The following FBXL19 variants were observed in gnomAD, a reference collection of about 807,000 sequenced individuals.
FBXL19 encodes F-box and leucine rich repeat protein 19.
FBXL19 carries 16 observed loss-of-function variants against 71.2 expected under a neutral mutation model. That is an observed-to-expected ratio of 0.22 (90% CI 0.15 to 0.34). FBXL19 has a LOEUF of 0.34. Ranked by LOEUF, FBXL19 falls within the 10% of genes least tolerant of loss-of-function variation. The pLI, the probability that FBXL19 is intolerant of heterozygous loss-of-function variation, is 1.00. For missense variants in FBXL19, 658 were observed against 968.2 expected, an observed-to-expected ratio of 0.68 and a Z score of 4.25; for synonymous variants, 447 against 409.4, an observed-to-expected ratio of 1.09 and a Z score of -1.11.
intron 7 of FBXL19, among the ~76,000 whole-genome samples, chr16:30,935,696 G>C (rs2055724507): frequency 6.6e-6 from 1 of 152,162 alleles, no homozygotes; most frequent in Non-Finnish European, 1.5e-5. Context: ...TGAGCCTTCA[G>C]AGGGCAGTAA....
rs1269414044 is a variant in FBXL19, at chr16:30,925,633, G to A, written c.-24-98G>A. 2.0e-5 allele frequency: 26 copies of A among 1,289,142 alleles called. No individual in the cohort carries two copies. Among genetic ancestry groups the A allele is most frequent in the East Asian group, 9.6e-5 (3 of 31,246 alleles). The allele number at this position is 1,289,142 out of a possible 1,614,324, so 79.9% of individuals were successfully genotyped here. A position where few individuals can be genotyped will look rare whatever the true frequency, so the allele number is the denominator to read the frequency against. ...ACCTCCTTGTCCCCCTGAGGAAGAG[G>A]GCAGGCTCTAGCTGCCTGTAGGTGG... is the stretch of plus-strand genomic sequence containing the variant. On this transcript the variant is annotated intron_variant, in intron 1 of 10. Coordinates refer to ENST00000338343, the MANE Select transcript of FBXL19 (RefSeq NM_001382779.1). This position sits in a 1 kb window ranked among gnomAD's most constrained non-coding sequence, Gnocchi z 5.0.
Position 30,942,144 on chromosome 16 carries a change from A to G in FBXL19, c.1330A>G (p.Met444Val). ...WCYDKRLWPR[M>V]DLSRRKSLTP... is the part of the protein sequence containing the mutation. ...CTATGACAAGCGTCTGTGGCCTCGA[A>G]TGGACCTGAGCCGGCGGAAGTCACT... The change falls in exon 8 of 11, where the codon ATG becomes GTG. Residue 444 changes from methionine (M) to valine (V), a missense_variant. Physicochemically the swap from Met to Val is conservative, Grantham distance 21. Around this residue, in one of 8 missense-constraint regions of FBXL19, gnomAD observed 38 missense variants for 92.3 expected, o/e 0.41. Transcript: ENST00000338343. The surrounding 1 kb of genome is among the most constrained non-coding windows in gnomAD (Gnocchi z 5.7). The G allele has an allele frequency of 6.3e-7, 1 of 1,597,160 alleles. No homozygotes were observed. Among genetic ancestry groups the G allele is most frequent in the Non-Finnish European group, 8.5e-7 (1 of 1,170,192 alleles).
chr16:30,947,547 G>C lies in FBXL19; in HGVS notation c.*317G>C, dbSNP rs573452974. 16 of 368,838 alleles carry C rather than the reference G, an allele frequency of 4.3e-5. No homozygotes were observed. The highest frequency in any genetic ancestry group is 1.7e-4 in the African/African-American group (8 of 47,072). 22.8% of individuals were successfully genotyped at this position (368,838 alleles called of 1,614,324 possible). A position where few individuals can be genotyped will look rare whatever the true frequency, so the allele number is the denominator to read the frequency against. ...AGGGGGGTTATGGTGCAAGTGTTGG[G>C]GGGGAGAATGGGGAAAGGACACACA... On this transcript the variant is annotated 3_prime_UTR_variant, in exon 11 of 11. Coordinates refer to ENST00000338343, the MANE Select transcript of FBXL19 (RefSeq NM_001382779.1).
At chr16:30,938,794 G>A (rs1052359737) in intron 7 of FBXL19, among the ~76,000 whole-genome samples, 26 of 151,688 alleles carry the variant, frequency 1.7e-4, no homozygotes, top group African/African-American at 4.1e-4. Context: ...CTGCCACCAC[G>A]CCCGGCTAAT....
chr16:30,933,004 C>G (rs1357074831), intron 7 of FBXL19, among the ~76,000 whole-genome samples: 9 of 150,966 alleles, frequency 6.0e-5, no homozygotes. Flanking sequence ...CCATGCCTGG[C>G]TAATTTTTTT....
chr16:30,934,904 G>A (rs570219781), intron 7 of FBXL19, among the ~76,000 whole-genome samples: 1 of 152,350 alleles, frequency 6.6e-6, no homozygotes, highest in Admixed American at 6.5e-5. Flanking sequence ...TAGGTAGCAA[G>A]CCAAGCAGCT....
At chr16:30,923,061 C>G (rs777106439), upstream of FBXL19, 1 of 456,846 alleles carries the variant, frequency 2.2e-6, no homozygotes, top group South Asian at 1.5e-5. Context: ...CGCCATCTTG[C>G]TTGTAGTCCT....
Position 30,946,661 on chromosome 16 carries a change from G to T in FBXL19, c.1628-69G>T, listed in dbSNP as rs2055861893. 6.9e-7 allele frequency: 1 copy of T among 1,452,024 alleles called. No homozygotes were observed. 89.9% of individuals were successfully genotyped at this position (1,452,024 alleles called of 1,614,324 possible). On this transcript the variant is annotated intron_variant, in intron 9 of 10. Transcript: ENST00000338343. The surrounding 1 kb of genome is among the most constrained non-coding windows in gnomAD (Gnocchi z 6.7). ...TTATGTGGGAAGCAGGTGGAGGGCAGATGGTCTGGATACCTGGGCGCAGGG... is the reference window on the plus strand; with the variant it reads ...TTATGTGGGAAGCAGGTGGAGGGCATATGGTCTGGATACCTGGGCGCAGGG...
Position 30,925,637 on chromosome 16 carries a change from G to A in FBXL19, c.-24-94G>A. ...CCTTGTCCCCCTGAGGAAGAGGGCA[G>A]GCTCTAGCTGCCTGTAGGTGGAGGG... On this transcript the variant is annotated intron_variant, in intron 1 of 10. Coordinates refer to ENST00000338343, the MANE Select transcript of FBXL19 (RefSeq NM_001382779.1). This position sits in a 1 kb window ranked among gnomAD's most constrained non-coding sequence, Gnocchi z 5.0. 3.8e-6 allele frequency: 5 copies of A among 1,316,768 alleles called. No homozygotes were observed. In the South Asian group the frequency reaches 6.9e-5, roughly 18 times the overall value. 81.6% of individuals were successfully genotyped at this position (1,316,768 alleles called of 1,614,324 possible).
At chr16:30,927,211 T>C in intron 2 of FBXL19, 97 bp from the exon 3 acceptor site, 1 of 1,308,436 alleles carries the variant, frequency 7.6e-7, no homozygotes, top group South Asian at 1.5e-5. Flanking sequence ...CCGTGGGTGC[T>C]GCACCTCATC....
intron 7 of FBXL19, among the ~76,000 whole-genome samples, chr16:30,934,396 G>A (rs564287342): frequency 4.6e-5 from 7 of 151,168 alleles, no homozygotes; most frequent in African/African-American, 1.5e-4. Flanking sequence ...GGTGGCTCAC[G>A]CCTGTAATCC....
intron 7 of FBXL19, among the ~76,000 whole-genome samples, chr16:30,932,297 G>GTTA (rs2055683827): frequency 6.6e-6 from 1 of 152,050 alleles, no homozygotes. Context: ...CCCTTGAAGA[G>GTTA]CATATAGTTA....
chr16:30,931,182 C>T (rs960302422), intron 7 of FBXL19, among the ~76,000 whole-genome samples: 1 of 152,070 alleles, frequency 6.6e-6, no homozygotes, highest in Admixed American at 6.6e-5. Context: ...TTAGAAATGT[C>T]GGTCATCCTC....
At position 30,925,722 on chromosome 16, in the gene FBXL19, C is replaced by A. The variant is rs566708933; in HGVS notation, c.-24-9C>A. 3 of 1,491,116 alleles carry A rather than the reference C, an allele frequency of 2.0e-6. No individual in the cohort carries two copies. Among genetic ancestry groups the A allele is most frequent in the South Asian group, 1.3e-5 (1 of 76,890 alleles). The allele number at this position is 1,491,116 out of a possible 1,614,324, so 92.4% of individuals were successfully genotyped here. A position where few individuals can be genotyped will look rare whatever the true frequency, so the allele number is the denominator to read the frequency against. On this transcript the variant is annotated splice_polypyrimidine_tract_variant and intron_variant, in intron 1 of 10. Coordinates refer to ENST00000338343, the MANE Select transcript of FBXL19 (RefSeq NM_001382779.1). This position sits in a 1 kb window ranked among gnomAD's most constrained non-coding sequence, Gnocchi z 5.0. ...GGGCCCATCTGACCCTGCCACCATC[C>A]ACCTACAGCCCTCGGCGTTGCTGAC...
At chr16:30,945,787 A>G (rs2055851568) in intron 9 of FBXL19, among the ~76,000 whole-genome samples, 1 of 146,678 alleles carries the variant, frequency 6.8e-6, no homozygotes, top group Non-Finnish European at 1.5e-5. Context: ...TTGAGGCTGC[A>G]GTAAGCTGTG....
rs2055888673 is a variant in FBXL19, at chr16:30,948,328, A to G, written c.*1098A>G. On this transcript the variant is annotated 3_prime_UTR_variant, in exon 11 of 11. Transcript: ENST00000338343. ...GAACTGCCACTCCTGGTTGCCATGG[A>G]AATAGCAGCCAACGGACACCTCCCG... The G allele has an allele frequency of 6.5e-6, 1 of 152,810 alleles. No homozygotes were observed. The allele number at this position is 152,810 out of a possible 1,614,324, so 9.5% of individuals were successfully genotyped here.
In FBXL19 at chr16:30,942,506, T is replaced by C; in HGVS notation, c.1597T>C (p.Leu533=). 6.3e-7 allele frequency: 1 copy of C among 1,594,058 alleles called. No homozygotes were observed. Among genetic ancestry groups the C allele is most frequent in the Non-Finnish European group, 8.5e-7 (1 of 1,170,774 alleles). Residue 533 remains leucine, a synonymous_variant, in exon 9 of 11, where the codon TTG becomes CTG. Transcript: ENST00000338343. This position sits in a 1 kb window ranked among gnomAD's most constrained non-coding sequence, Gnocchi z 5.7. ...TGTTAAAGACTCCCAGCTCCGGGAG[T>C]TGCTGCTGCCTCCACCAGACACCAA... ...EDVKDSQLRE[L]LLPPPDTKPG...
At chr16:30,923,043 C>T (rs1269564633), upstream of FBXL19, 2 of 456,864 alleles carry the variant, frequency 4.4e-6, no homozygotes, top group East Asian at 7.0e-5. Flanking sequence ...AGGTGTATGT[C>T]CCTCTTCCGC....
chr16:30,944,422 C>G (rs1009629975), intron 9 of FBXL19, among the ~76,000 whole-genome samples: 1 of 151,930 alleles, frequency 6.6e-6, no homozygotes, highest in African/African-American at 2.4e-5. Context: ...TCATTTAGCT[C>G]CCATTTCTAA....
Sources: allele counts gnomAD v4.1 joint callset (sites outside exome capture counted in the v4.1 genomes callset), GRCh38; gene constraint gnomAD v4.1.1; regional missense constraint gnomAD v4.1.1; non-coding constraint Gnocchi (gnomAD v3.1); transcripts MANE v1.5; gene names NCBI Gene and HGNC (gene_info 2026-07-23, HGNC 2026-07-21).